The following NAALADL2 variants were observed in gnomAD, a reference collection of about 807,000 sequenced individuals.
NAALADL2 encodes inactive N-acetylated-alpha-linked acidic dipeptidase-like protein 2.
In NAALADL2, 76 loss-of-function variants were observed where a neutral mutation model predicts 87.2. The observed-to-expected ratio is 0.87, with a 90% CI of 0.72 to 1.05. The LOEUF (loss-of-function observed/expected upper bound fraction) is 1.05, where lower values mean the gene tolerates loss of function less well. Among genes scored for constraint, NAALADL2 ranks in the 50% least tolerant of loss-of-function variants. The pLI is 0.00. For missense variants in NAALADL2, 1,089 were observed against 945.8 expected (o/e 1.15, Z -1.99); for synonymous variants, 354 against 331.0 (o/e 1.07, Z -0.75).
chr3:175,713,222 C>CA (rs1477465698), intron 11 of NAALADL2, among the ~76,000 whole-genome samples: 1 of 152,070 alleles, frequency 6.6e-6, no homozygotes, highest in African/African-American at 2.4e-5. Context: ...GGTGAATTGA[C>CA]AAAATGCTTA....
chr3:174,467,289 T>C (rs991313698), intron 1 of NAALADL2, among the ~76,000 whole-genome samples: 11 of 152,236 alleles, frequency 7.2e-5, no homozygotes, highest in African/African-American at 2.6e-4. Flanking sequence ...AACATTGTAA[T>C]AGCAAGGATT....
rs1391577472 is a variant in NAALADL2 at position 175,804,876 on chromosome 3, A to C, written c.*1673A>C. ...TTCAAGCAGAAATCCATTTTCATCG[A>C]AATTGCCTGTGTGCACATATTTTTA... is the stretch of plus-strand genomic sequence containing the variant. On this transcript the variant is annotated 3_prime_UTR_variant, in exon 14 of 14. Coordinates refer to ENST00000454872, the MANE Select transcript of NAALADL2 (RefSeq NM_207015.3). 1.3e-5 allele frequency: 2 copies of C among 151,940 alleles called. No homozygotes were observed. The highest frequency in any genetic ancestry group is 2.9e-5 in the Non-Finnish European group (2 of 67,882). 9.4% of individuals were successfully genotyped at this position (151,940 alleles called of 1,614,324 possible). A position where few individuals can be genotyped will look rare whatever the true frequency, so the allele number is the denominator to read the frequency against.
intron 2 of NAALADL2, among the ~76,000 whole-genome samples, chr3:175,170,494 A>T (rs1734652852): frequency 6.8e-6 from 1 of 147,098 alleles, no homozygotes; most frequent in African/African-American, 2.5e-5. Context: ...TATAAATATA[A>T]TATATATATA....
intron 3 of NAALADL2, among the ~76,000 whole-genome samples, chr3:174,827,113 T>C (rs113351357): frequency 0.02 from 3,001 of 152,292 alleles, 104 homozygotes; most frequent in African/African-American, 0.069. Flanking sequence ...CTGGAAGATA[T>C]CATGACTTTT....
chr3:175,031,916 T>C (rs1160824415), intron 1 of NAALADL2, among the ~76,000 whole-genome samples: 1 of 152,152 alleles, frequency 6.6e-6, no homozygotes, highest in African/African-American at 2.4e-5. Flanking sequence ...ATGTCTTCTT[T>C]TGAGAAGTGC....
chr3:174,809,316 A>C (rs1406794112), intron 3 of NAALADL2, among the ~76,000 whole-genome samples: 2 of 152,174 alleles, frequency 1.3e-5, no homozygotes, highest in Non-Finnish European at 2.9e-5. Context: ...TTTTACTGAA[A>C]GGAACCACGC....
chr3:175,269,647 A>T (rs2109994343), intron 4 of NAALADL2, among the ~76,000 whole-genome samples: 2 of 152,328 alleles, frequency 1.3e-5, no homozygotes, highest in South Asian at 4.1e-4. Context: ...TTCCTGTATA[A>T]GTAGGATGGT....
chr3:175,130,499 C>A (rs958108614), intron 2 of NAALADL2, among the ~76,000 whole-genome samples: 4 of 152,062 alleles, frequency 2.6e-5, no homozygotes, highest in African/African-American at 9.7e-5. Context: ...GTTTTTAATC[C>A]ACTTTGAGTT....
intron 13 of NAALADL2, among the ~76,000 whole-genome samples, chr3:175,766,920 A>T (rs1748770740): frequency 1.3e-5 from 2 of 152,012 alleles, no homozygotes; most frequent in Non-Finnish European, 1.5e-5. Context: ...CCACAAAAAA[A>T]ATACGGAGCA....
chr3:175,785,732 T>G (rs113991411), intron 13 of NAALADL2, among the ~76,000 whole-genome samples: 4,758 of 145,880 alleles, frequency 0.033, 88 homozygotes, highest in South Asian at 0.061. Context: ...TATGTGTGAA[T>G]TTGATCCTGT....
intron 2 of NAALADL2, among the ~76,000 whole-genome samples, chr3:174,628,391 C>A (rs933704880): frequency 6.9e-6 from 1 of 145,704 alleles, no homozygotes; most frequent in Admixed American, 7.1e-5. Context: ...GTGAGAGAAT[C>A]GCTTGAACCC....
At chr3:175,479,875 C>G (rs1862074) in intron 9 of NAALADL2, among the ~76,000 whole-genome samples, 77,239 of 151,416 alleles carry the variant, frequency 0.51, 21,617 homozygotes, top group East Asian at 0.64. Context: ...AAACAGTTCT[C>G]CTAAGGGCCA....
chr3:174,648,578 G>C (rs1724043902), intron 2 of NAALADL2, among the ~76,000 whole-genome samples: 1 of 151,764 alleles, frequency 6.6e-6, no homozygotes, highest in Non-Finnish European at 1.5e-5. Flanking sequence ...CTTTATTTAT[G>C]GTTTCCAGTA....
chr3:175,679,623 A>G (rs547035046), intron 11 of NAALADL2, among the ~76,000 whole-genome samples: 5 of 152,168 alleles, frequency 3.3e-5, no homozygotes, highest in Admixed American at 1.3e-4. Context: ...GTTTAATTCT[A>G]TAGTTCTTTT....
intron 2 of NAALADL2, among the ~76,000 whole-genome samples, chr3:175,149,059 TA>T (rs1286319763): frequency 2.0e-5 from 3 of 152,198 alleles, no homozygotes; most frequent in African/African-American, 7.2e-5. Flanking sequence ...ATTTTAATGA[TA>T]TTGATTTTTC....
At chr3:175,416,214 C>T (rs1248910018) in intron 5 of NAALADL2, among the ~76,000 whole-genome samples, 1 of 152,038 alleles carries the variant, frequency 6.6e-6, no homozygotes, top group Non-Finnish European at 1.5e-5. Flanking sequence ...ATTAATTCTT[C>T]CAATAGTTTT....
intron 2 of NAALADL2, among the ~76,000 whole-genome samples, chr3:175,137,770 G>GT (rs1553787026): frequency 3.3e-5 from 5 of 151,378 alleles, no homozygotes; most frequent in Non-Finnish European, 5.9e-5. Context: ...AGCTAAGTTT[G>GT]TTTTGTTTTG....
At chr3:175,448,768 G>A (rs1373730384) in intron 6 of NAALADL2, among the ~76,000 whole-genome samples, 1 of 152,144 alleles carries the variant, frequency 6.6e-6, no homozygotes, top group Non-Finnish European at 1.5e-5. Context: ...GAGTGCAAGT[G>A]GCTTAATCAT....
In NAALADL2 at chr3:175,143,712, T is replaced by C. The variant is rs916275606; in HGVS notation, c.545+46421T>C. On this transcript the variant is annotated intron_variant, in intron 2 of 13. Coordinates refer to ENST00000454872, the MANE Select transcript of NAALADL2 (RefSeq NM_207015.3). ...TAAAATCACTGTAAACAAAACATTGTCTGGCACATGGAAGGCACTCCGCAA... is the reference window on the plus strand; with the variant it reads ...TAAAATCACTGTAAACAAAACATTGCCTGGCACATGGAAGGCACTCCGCAA... Among the ~76,000 whole-genome samples, 5 of 152,030 alleles carry C rather than the reference T, an allele frequency of 3.3e-5. No individual in the cohort carries two copies. In the East Asian group the frequency reaches 5.8e-4, roughly 18 times the overall value.
Sources: allele counts gnomAD v4.1 joint callset (sites outside exome capture counted in the v4.1 genomes callset), GRCh38; gene constraint gnomAD v4.1.1; transcripts MANE v1.5; gene names NCBI Gene and HGNC (gene_info 2026-07-23, HGNC 2026-07-21).